NAV2: variants seen among roughly 807,000 people sequenced by gnomAD.
NAV2 encodes helicase, APC down-regulated 1.
NAV2 carries 54 observed loss-of-function variants against 223.2 expected under a neutral mutation model. The ratio of observed to expected loss-of-function variants is 0.24; its 90% CI spans 0.19 to 0.30. The LOEUF (loss-of-function observed/expected upper bound fraction) is 0.30. Among genes scored for constraint, NAV2 ranks in the 10% least tolerant of loss-of-function variants. The pLI is 1.00. For synonymous variants in NAV2, 1,279 were observed against 1,239.3 expected (o/e 1.03, Z -0.67); for missense variants, 2,806 against 3,147.5 (o/e 0.89, Z 2.60).
intron 1 of NAV2, among the ~76,000 whole-genome samples, chr11:19,471,508 C>T (rs1195513358): frequency 6.6e-6 from 1 of 152,136 alleles, no homozygotes; most frequent in Non-Finnish European, 1.5e-5. Flanking sequence ...TTCCTTCTCA[C>T]TGGTGAAGGA....
intron 28 of NAV2, 68 bp from the exon 29 acceptor site, chr11:20,093,031 C>T (rs115509282): frequency 0.012 from 12,804 of 1,038,092 alleles, 90 homozygotes; most frequent in African/African-American, 0.016. Flanking sequence ...CAACCTGCAG[C>T]GGGGGTGTCA....
chr11:20,010,216 C>T (rs1831616081), intron 11 of NAV2, among the ~76,000 whole-genome samples: 2 of 152,228 alleles, frequency 1.3e-5, no homozygotes, highest in South Asian at 2.1e-4. Context: ...CATCTTTCCC[C>T]TAATTGTGAA....
chr11:19,765,724 G>C (rs2055173313), intron 1 of NAV2, among the ~76,000 whole-genome samples: 1 of 151,194 alleles, frequency 6.6e-6, no homozygotes, highest in Admixed American at 6.6e-5. Context: ...ATTCTGCTCA[G>C]GGCTTGCACA....
chr11:19,898,612 T>C (rs1005949742), intron 6 of NAV2, among the ~76,000 whole-genome samples: 15 of 152,214 alleles, frequency 9.9e-5, no homozygotes, highest in African/African-American at 3.6e-4. Flanking sequence ...TGTTTCCAAT[T>C]TTTTGATGTT....
chr11:19,665,538 G>A (rs1385075106), intron 1 of NAV2, among the ~76,000 whole-genome samples: 3 of 152,154 alleles, frequency 2.0e-5, no homozygotes, highest in Non-Finnish European at 4.4e-5. Context: ...GTAAAATGGG[G>A]ATATTAATAT....
Position 20,114,794 on chromosome 11 carries a change from T to C in NAV2, c.7163T>C (p.Leu2388Pro). The change falls in exon 37 of 38, where the codon CTG becomes CCG. Residue 2388 changes from leucine (L) to proline (P), a missense_variant and splice_region_variant. By Grantham distance (98) the Leu-to-Pro change is moderately conservative. Transcript: ENST00000349880. ...CCCAGTGATGCTGAAGGTGACCCGC[T>C]GGTGAGTCCTCAGCCACCAGAGCAG... The part of the protein sequence containing the change: ...MPPSDAEGDP[L>P]MNMLMRLQEA... 6.2e-7 allele frequency: 1 copy of C among 1,612,516 alleles called. No homozygotes were observed.
At chr11:19,925,233 TTACTC>T (rs754468639) in intron 6 of NAV2, among the ~76,000 whole-genome samples, 6 of 152,218 alleles carry the variant, frequency 3.9e-5, no homozygotes, top group Non-Finnish European at 5.9e-5. Flanking sequence ...GGTTGCCTTT[TTACTC>T]TACTGATAGT....
intron 1 of NAV2, among the ~76,000 whole-genome samples, chr11:19,694,977 A>T (rs1335424742): frequency 6.6e-6 from 1 of 152,034 alleles, no homozygotes; most frequent in Non-Finnish European, 1.5e-5. Flanking sequence ...GATACTCTCT[A>T]CCTCAGTGGC....
intron 1 of NAV2, among the ~76,000 whole-genome samples, chr11:19,707,125 T>C (rs1343279147): frequency 1.3e-5 from 2 of 152,094 alleles, no homozygotes; most frequent in Non-Finnish European, 2.9e-5. Context: ...AGTGAGTGAG[T>C]GGTGAGAGAA....
At chr11:20,061,391 G>A (rs10741812) in intron 19 of NAV2, among the ~76,000 whole-genome samples, 54,895 of 151,800 alleles carry the variant, frequency 0.36, 11,881 homozygotes, top group Non-Finnish European at 0.51. Flanking sequence ...CTAACGTGGA[G>A]AAACCCCATC....
chr11:19,437,284 A>G (rs1265012511), intron 1 of NAV2, among the ~76,000 whole-genome samples: 3 of 151,968 alleles, frequency 2.0e-5, no homozygotes, highest in Non-Finnish European at 2.9e-5. Context: ...AAAACTTTCA[A>G]CTCAAAACCC....
rs139054660 is a variant in NAV2 at position 19,523,230 on chromosome 11, C to T, written c.75+172203C>T. On this transcript the variant is annotated intron_variant, in intron 1 of 37. Transcript: ENST00000360655. ...ACGAACTCCCTTCTCCAGTGAAAAC[C>T]GCCTCCTGCCCGGTCCTCCTGTGTG... is the stretch of plus-strand genomic sequence containing the variant. 1.0e-3 allele frequency among the ~76,000 whole-genome samples: 154 copies of T among 152,292 alleles called. 2 individuals carry two copies. Among genetic ancestry groups the T allele is most frequent in the African/African-American group, 3.5e-3 (146 of 41,558 alleles).
At chr11:19,954,205 G>T (rs1271387572) in intron 10 of NAV2, among the ~76,000 whole-genome samples, 1 of 152,210 alleles carries the variant, frequency 6.6e-6, no homozygotes, top group Non-Finnish European at 1.5e-5. Flanking sequence ...GGCTAAGGAT[G>T]TTGGCTTTTG....
intron 1 of NAV2, among the ~76,000 whole-genome samples, chr11:19,746,119 A>G (rs1348755514): frequency 1.3e-5 from 2 of 152,244 alleles, no homozygotes; most frequent in Admixed American, 1.3e-4. Context: ...TAAGAAATAG[A>G]ATCATAGGGT....
chr11:19,356,793 T>C (rs2133752668), intron 1 of NAV2, among the ~76,000 whole-genome samples: 1 of 152,334 alleles, frequency 6.6e-6, no homozygotes, highest in Admixed American at 6.5e-5. Context: ...TAAAACGGCC[T>C]TCTTCAATCA....
chr11:19,631,169 A>G (rs540416357), intron 1 of NAV2, among the ~76,000 whole-genome samples: 13 of 151,214 alleles, frequency 8.6e-5, no homozygotes, highest in Non-Finnish European at 1.9e-4. Flanking sequence ...GGTTAGTTAC[A>G]TATGTATACA....
intron 1 of NAV2, among the ~76,000 whole-genome samples, chr11:19,779,286 T>C (rs1390033983): frequency 2.0e-5 from 3 of 152,190 alleles, no homozygotes; most frequent in Non-Finnish European, 4.4e-5. Context: ...GGAGTAGCAG[T>C]TTCTGTCCCG....
rs190116048 is a variant in NAV2, at chr11:20,071,191, T to G, written c.4983+2793T>G. Among the ~76,000 whole-genome samples, 8 of 144,176 alleles carry G rather than the reference T, an allele frequency of 5.5e-5. No individual in the cohort carries two copies. The South Asian group carries it at 1.8e-3, about 33-fold the overall frequency. 94.6% of individuals were successfully genotyped at this position (144,176 alleles called of 152,430 possible). ...TGTGTTCTCATTGTTCAACTCCCAC[T>G]TATGAATGAGAACATCCAGTGTTTG... is the stretch of plus-strand genomic sequence containing the variant. On this transcript the variant is annotated intron_variant, in intron 22 of 37. Transcript: ENST00000349880.
At chr11:19,517,996 T>C (rs2043512570) in intron 1 of NAV2, among the ~76,000 whole-genome samples, 1 of 152,228 alleles carries the variant, frequency 6.6e-6, no homozygotes, top group South Asian at 2.1e-4. Context: ...CAAGAGGGCA[T>C]AGCTGGGACA....
Sources: allele counts gnomAD v4.1 joint callset (sites outside exome capture counted in the v4.1 genomes callset), GRCh38; gene constraint gnomAD v4.1.1; transcripts MANE v1.5; gene names NCBI Gene and HGNC (gene_info 2026-07-23, HGNC 2026-07-21).